The following PSMD12 variants were observed in gnomAD, a reference collection of about 807,000 sequenced individuals.
PSMD12 encodes proteasome 26S subunit, non-ATPase 12.
A neutral mutation model predicts 62.9 loss-of-function variants in PSMD12; 8 were observed. That is an observed-to-expected ratio of 0.13 (90% CI 0.07 to 0.23). The LOEUF is 0.23. PSMD12 is among the 10% of genes least tolerant of loss of function. The pLI is 1.00. For missense variants in PSMD12, 424 were observed against 550.2 expected (o/e 0.77, Z 2.29); for synonymous variants, 173 against 187.4 (o/e 0.92, Z 0.63).
chr17:67,347,075 CTGAAT>C (rs776765820), intron 7 of PSMD12, 36 bp downstream of exon 7: 1 of 1,551,352 alleles, frequency 6.4e-7, no homozygotes, highest in South Asian at 1.2e-5. Flanking sequence ...AATTACTCTT[CTGAAT>C]AAGAAGCCAT....
chr17:67,350,221 A>T lies in PSMD12; in HGVS notation c.405+8T>A. On this transcript the variant is annotated splice_region_variant and intron_variant, in intron 4 of 10. Transcript: ENST00000356126. ...TATCATTTTGAGTTATGTCAACAGA[A>T]AATTTACCTTGCCTTCGGTAACCAT... 6.3e-7 allele frequency: 1 copy of T among 1,584,138 alleles called. No homozygotes were observed. Among genetic ancestry groups the T allele is most frequent in the South Asian group, 1.1e-5 (1 of 87,618 alleles).
At chr17:67,341,176 T>C (rs2041911351) in intron 10 of PSMD12, 124 bp from the exon 11 acceptor site, 7 of 741,806 alleles carry the variant, frequency 9.4e-6, no homozygotes, top group East Asian at 3.1e-5. Flanking sequence ...TCTTAAGAGT[T>C]AGTAACACTC....
At chr17:67,347,633 C>A in intron 5 of PSMD12, 148 bp from the exon 6 acceptor site, 7 of 739,034 alleles carry the variant, frequency 9.5e-6, no homozygotes, top group Non-Finnish European at 1.4e-5. Flanking sequence ...ACATTAAAAG[C>A]TAGTTACCGC....
chr17:67,352,601 AC>A (rs1466670908), intron 3 of PSMD12, among the ~76,000 whole-genome samples: 9 of 152,224 alleles, frequency 5.9e-5, no homozygotes, highest in African/African-American at 2.2e-4. Context: ...GTTAAAAACA[AC>A]AACTACAGTA....
rs770100605 is a variant in PSMD12, at chr17:67,344,705, T to C, written c.984A>G (p.Leu328=). 6.2e-7 allele frequency: 1 copy of C among 1,613,898 alleles called. No individual in the cohort carries two copies. Among genetic ancestry groups the C allele is most frequent in the Non-Finnish European group, 8.5e-7 (1 of 1,179,836 alleles). The change falls in exon 9 of 11, where the codon TTA becomes TTG. Residue 328 remains leucine, a synonymous_variant. Coordinates refer to ENST00000356126, the MANE Select transcript of PSMD12 (RefSeq NM_002816.5). Reference sequence around the variant, plus strand: ...CAGGACTCTCAAGGGAACCTTTTCTTAATTCCATTCCATAGTCCTCAACAA... The same window carrying C: ...CAGGACTCTCAAGGGAACCTTTTCTCAATTCCATTCCATAGTCCTCAACAA... ...STLVEDYGME[L]RKGSLESPAT... is the part of the protein sequence containing the mutation.
In PSMD12 at chr17:67,347,373, T is replaced by C. The variant is rs1349349366; in HGVS notation, c.623A>G (p.Lys208Arg). 2 of 1,614,044 alleles carry C rather than the reference T, an allele frequency of 1.2e-6. No homozygotes were observed. Among genetic ancestry groups the C allele is most frequent in the Non-Finnish European group, 1.7e-6 (2 of 1,179,966 alleles). Residue 208 changes from lysine to arginine, a missense_variant, in exon 6 of 11, where the codon AAA (lysine) becomes AGA (arginine). Lys to Arg is a conservative substitution (Grantham distance 26, BLOSUM62 2). Coordinates refer to ENST00000356126, the MANE Select transcript of PSMD12 (RefSeq NM_002816.5). The part of the protein sequence containing the change: ...DYIRTQIISK[K>R]INTKFFQEEN... ...TTCCTGGAAAAATTTGGTGTTAATT[T>C]TCTTGCTGATGATTTGTGTTCGAAT... is the stretch of plus-strand genomic sequence containing the variant.
intron 3 of PSMD12, among the ~76,000 whole-genome samples, chr17:67,350,876 T>C (rs1305180578): frequency 2.0e-5 from 3 of 152,172 alleles, no homozygotes; most frequent in African/African-American, 4.8e-5. Context: ...TCAGCAAACA[T>C]TTTCTGTAAA....
intron 1 of PSMD12, chr17:67,362,733 C>G (rs1787221904): frequency 6.6e-6 from 1 of 151,808 alleles, no homozygotes; most frequent in African/African-American, 2.4e-5. Flanking sequence ...GGCTCTGCAG[C>G]CAGACTGCTC....
chr17:67,354,967 G>A (rs905274931), intron 3 of PSMD12, among the ~76,000 whole-genome samples: 4 of 152,110 alleles, frequency 2.6e-5, no homozygotes, highest in Admixed American at 6.6e-5. Flanking sequence ...TCCAGCCTGG[G>A]GGACAGAGCA....
chr17:67,342,161 T>A, intron 10 of PSMD12, 25 bp downstream of exon 10: 1 of 1,483,904 alleles, frequency 6.7e-7, no homozygotes, highest in Non-Finnish European at 9.3e-7. Flanking sequence ...TGCCTACAAA[T>A]AACTCAAAGT....
At chr17:67,353,811 C>T (rs1279191152) in intron 3 of PSMD12, among the ~76,000 whole-genome samples, 7 of 152,282 alleles carry the variant, frequency 4.6e-5, no homozygotes, top group South Asian at 2.1e-4. Flanking sequence ...CACTAGCCAG[C>T]GGTGAGAGAG....
intron 7 of PSMD12, 112 bp from the exon 8 acceptor site, chr17:67,345,969 G>C (rs565970960): frequency 7.0e-6 from 7 of 1,005,528 alleles, no homozygotes; most frequent in African/African-American, 6.5e-5. Flanking sequence ...TAAAGTCTTG[G>C]CCGGGCGCAG....
intron 9 of PSMD12, among the ~76,000 whole-genome samples, chr17:67,343,213 C>T (rs1001158499): frequency 6.6e-6 from 1 of 152,202 alleles, no homozygotes; most frequent in Middle Eastern, 3.4e-3. Flanking sequence ...ATGGCAACAC[C>T]AACACATCAG....
Position 67,357,349 on chromosome 17 carries a change from T to G in PSMD12, c.251A>C (p.Asn84Thr). Residue 84 changes from asparagine to threonine, a missense_variant, in exon 3 of 11, where the codon AAT (asparagine) becomes ACT (threonine). By Grantham distance (65) the Asn-to-Thr change is moderately conservative (BLOSUM62 0). Coordinates refer to ENST00000356126, the MANE Select transcript of PSMD12 (RefSeq NM_002816.5). ...CYEAKEWDLL[N>T]ENIMLLSKRR... is the part of the protein sequence containing the mutation. ...TTTGGACAAAAGCATAATATTTTCA[T>G]TAAGTAAATCCCATTCTTTAGCCTC... 1.9e-6 allele frequency: 3 copies of G among 1,613,884 alleles called. No individual in the cohort carries two copies. The highest frequency in any genetic ancestry group is 2.5e-6 in the Non-Finnish European group (3 of 1,179,898).
At chr17:67,361,913 AG>A in intron 1 of PSMD12, among the ~76,000 whole-genome samples, 2 of 121,558 alleles carry the variant, frequency 1.6e-5, no homozygotes, top group African/African-American at 3.0e-5. Flanking sequence ...AAAAAAAGGA[AG>A]GAAGGAAGGG....
chr17:67,345,062 A>G (rs1003565097), intron 8 of PSMD12, among the ~76,000 whole-genome samples: 2 of 152,218 alleles, frequency 1.3e-5, no homozygotes, highest in African/African-American at 4.8e-5. Flanking sequence ...CAGAAATAAG[A>G]GCCTGTTGTG....
chr17:67,359,128 G>T (rs988907868), intron 1 of PSMD12, among the ~76,000 whole-genome samples: 2 of 152,122 alleles, frequency 1.3e-5, no homozygotes, highest in Non-Finnish European at 2.9e-5. Flanking sequence ...GGCTGAGGTG[G>T]GAGGACACTT....
intron 9 of PSMD12, among the ~76,000 whole-genome samples, chr17:67,343,594 T>G (rs543340736): frequency 6.6e-6 from 1 of 152,212 alleles, no homozygotes; most frequent in South Asian, 2.1e-4. Flanking sequence ...AAGTTTCCCA[T>G]AAGCCTCCCT....
chr17:67,357,247 A>G, intron 3 of PSMD12, 56 bp downstream of exon 3: 1 of 1,553,390 alleles, frequency 6.4e-7, no homozygotes, highest in Non-Finnish European at 8.7e-7. Context: ...GAGCTTGTGA[A>G]AAGTTCTGAA....
Sources: allele counts gnomAD v4.1 joint callset (sites outside exome capture counted in the v4.1 genomes callset), GRCh38; gene constraint gnomAD v4.1.1; transcripts MANE v1.5; gene names NCBI Gene and HGNC (gene_info 2026-07-23, HGNC 2026-07-21).